SLC27A6: variants seen among roughly 807,000 people sequenced by gnomAD.
SLC27A6 encodes solute carrier family 27 member 6, also known as long-chain fatty acid transport protein 6.
A neutral mutation model predicts 63.9 loss-of-function variants in SLC27A6; 74 were observed. The observed-to-expected ratio is 1.16, with a 90% confidence interval of 0.96 to 1.40. SLC27A6 has a LOEUF of 1.40. SLC27A6 is among the 40% of genes most tolerant of loss of function. The probability of loss-of-function intolerance (pLI) is 0.00; values close to 1 mark genes in which losing one functional copy is unlikely to be tolerated. For missense variants in SLC27A6, 794 were observed against 732.9 expected, an observed-to-expected ratio of 1.08 and a Z score of -0.96; for synonymous variants, 287 against 260.8, an observed-to-expected ratio of 1.10 and a Z score of -0.97.
chr5:128,993,300 A>G (rs1751040680), intron 4 of SLC27A6, among the ~76,000 whole-genome samples: 1 of 152,218 alleles, frequency 6.6e-6, no homozygotes, highest in African/African-American at 2.4e-5. Context: ...GAGTAAAAGC[A>G]GGCCAATTTC....
intron 2 of SLC27A6, among the ~76,000 whole-genome samples, chr5:128,986,582 T>C (rs549026815): frequency 6.6e-6 from 1 of 152,354 alleles, no homozygotes; most frequent in East Asian, 1.9e-4. Flanking sequence ...AATTTTTTTT[T>C]ACATGATTAG....
At chr5:129,029,437 C>A in intron 8 of SLC27A6, 140 bp from the exon 9 acceptor site, 1 of 581,672 alleles carries the variant, frequency 1.7e-6, no homozygotes, top group South Asian at 2.4e-5. Flanking sequence ...GGGAAGGATA[C>A]AGACTAGTTT....
At chr5:128,974,561 A>C (rs1324939642) in intron 1 of SLC27A6, among the ~76,000 whole-genome samples, 1 of 152,228 alleles carries the variant, frequency 6.6e-6, no homozygotes, top group Non-Finnish European at 1.5e-5. Flanking sequence ...CAATATAAAC[A>C]TACTCTTTTT....
Position 128,969,262 on chromosome 5 carries a change from C to T in SLC27A6, c.481+2644C>T, listed in dbSNP as rs182484947. On this transcript the variant is annotated intron_variant, in intron 1 of 9. Transcript: ENST00000262462. ...GGCAATGCAGGCTCTTTTTTGGTTCCGTATGAACTTTAAAGTAGTTTTTTC... is the reference window on the plus strand; with the variant it reads ...GGCAATGCAGGCTCTTTTTTGGTTCTGTATGAACTTTAAAGTAGTTTTTTC... Among the ~76,000 whole-genome samples, 15 of 152,148 alleles carry T rather than the reference C, an allele frequency of 9.9e-5. No homozygotes were observed. In the East Asian group the frequency reaches 1.5e-3, roughly 16 times the overall value.
At position 128,971,442 on chromosome 5, in the gene SLC27A6, C is replaced by T. The variant is rs374247298; in HGVS notation, c.481+4824C>T. 7.9e-5 allele frequency among the ~76,000 whole-genome samples: 12 copies of T among 152,116 alleles called. No homozygotes were observed. In the South Asian group the frequency reaches 2.5e-3, roughly 32 times the overall value. ...ACTTGCTTTATGAATCTGGGTGTTC[C>T]TGTATTGGGTGCATATATATTCAGG... On this transcript the variant is annotated intron_variant, in intron 1 of 9. Transcript: ENST00000262462.
chr5:129,008,411 G>A (rs1252351891), intron 4 of SLC27A6, among the ~76,000 whole-genome samples: 1 of 152,162 alleles, frequency 6.6e-6, no homozygotes, highest in Non-Finnish European at 1.5e-5. Context: ...AAAGCCTGTG[G>A]AATTTGGTTT....
chr5:129,008,137 TACAC>T (rs1436860276), intron 4 of SLC27A6, among the ~76,000 whole-genome samples: 1 of 152,164 alleles, frequency 6.6e-6, no homozygotes, highest in African/African-American at 2.4e-5. Context: ...TCAAAAGAAA[TACAC>T]ATTTTCTTTT....
intron 1 of SLC27A6, among the ~76,000 whole-genome samples, chr5:128,976,001 C>T (rs913785834): frequency 6.6e-6 from 1 of 150,544 alleles, no homozygotes; most frequent in African/African-American, 2.4e-5. Flanking sequence ...TCTTTTGTAA[C>T]AGAAGTAATT....
At chr5:129,017,472 A>G (rs942600004) in intron 5 of SLC27A6, among the ~76,000 whole-genome samples, 3 of 152,152 alleles carry the variant, frequency 2.0e-5, no homozygotes, top group Admixed American at 6.5e-5. Flanking sequence ...AACTATCTCT[A>G]TAAGTTAATT....
At chr5:129,009,720 G>A (rs1253781396) in intron 4 of SLC27A6, among the ~76,000 whole-genome samples, 2 of 151,546 alleles carry the variant, frequency 1.3e-5, no homozygotes, top group African/African-American at 4.9e-5. Flanking sequence ...TGTTGCCCCG[G>A]CTGGAGTGCA....
intron 4 of SLC27A6, among the ~76,000 whole-genome samples, chr5:129,005,366 G>T (rs1182923844): frequency 6.6e-6 from 1 of 152,126 alleles, no homozygotes; most frequent in Admixed American, 6.5e-5. Context: ...ACCAATATTT[G>T]TAGCACCAAT....
chr5:128,999,398 A>C (rs1751259389), intron 4 of SLC27A6, among the ~76,000 whole-genome samples: 1 of 152,052 alleles, frequency 6.6e-6, no homozygotes, highest in South Asian at 2.1e-4. Context: ...TCTTGACTAA[A>C]TGTTGGCATG....
intron 4 of SLC27A6, among the ~76,000 whole-genome samples, chr5:129,007,127 G>A (rs1751567630): frequency 6.6e-6 from 1 of 151,972 alleles, no homozygotes; most frequent in Admixed American, 6.6e-5. Context: ...ATATTAATAA[G>A]AGCAGAGAAT....
intron 9 of SLC27A6, among the ~76,000 whole-genome samples, chr5:129,032,000 T>C (rs1752431684): frequency 6.6e-6 from 1 of 151,882 alleles, no homozygotes; most frequent in Admixed American, 6.6e-5. Flanking sequence ...AAGCTACTCA[T>C]AGAATGTTGT....
chr5:129,026,377 T>G (rs1415541868), intron 6 of SLC27A6, among the ~76,000 whole-genome samples: 1 of 152,138 alleles, frequency 6.6e-6, no homozygotes, highest in East Asian at 1.9e-4. Context: ...GATTGGAAAA[T>G]TATTTCAGAT....
At chr5:128,974,082 A>G (rs1487121159) in intron 1 of SLC27A6, among the ~76,000 whole-genome samples, 2 of 152,224 alleles carry the variant, frequency 1.3e-5, no homozygotes, top group East Asian at 3.8e-4. Flanking sequence ...AAATGGAGAC[A>G]TTCCAAAGCC....
At chr5:128,972,678 T>A (rs1750220932) in intron 1 of SLC27A6, among the ~76,000 whole-genome samples, 1 of 152,228 alleles carries the variant, frequency 6.6e-6, no homozygotes, top group African/African-American at 2.4e-5. Flanking sequence ...TAATCTTTTT[T>A]CAAGGTTTTT....
At position 128,993,232 on chromosome 5, in the gene SLC27A6, T is replaced by C. The variant is rs1216226536; in HGVS notation, c.969+2768T>C. On this transcript the variant is annotated intron_variant, in intron 4 of 9. Transcript: ENST00000262462. The stretch of plus-strand genomic sequence containing the variant: ...AATAGTGGTTTTCCAGTTGTGCTTC[T>C]TGGAAAATTAGAAGCTCTTTTAAGC... Among the ~76,000 whole-genome samples the C allele has an allele frequency of 2.0e-5, 3 of 152,178 alleles. No homozygotes were observed. In the South Asian group the frequency reaches 6.2e-4, roughly 32 times the overall value.
chr5:129,017,873 A>T (rs1410243955), intron 5 of SLC27A6, among the ~76,000 whole-genome samples: 1 of 152,140 alleles, frequency 6.6e-6, no homozygotes, highest in Non-Finnish European at 1.5e-5. Flanking sequence ...TAGCTTTCCC[A>T]CTCAGGATAA....
Sources: gnomAD v4.1 joint callset for allele counts (sites outside exome capture counted in the v4.1 genomes callset) on GRCh38, gnomAD v4.1.1 for gene constraint, MANE v1.5 for transcripts, NCBI Gene and HGNC (gene_info 2026-07-23, HGNC 2026-07-21) for gene names.